MPP7: variants seen among roughly 807,000 people sequenced by gnomAD.
MPP7 encodes MAGUK p55 scaffold protein 7, also known as MAGUK p55 subfamily member 7.
A neutral mutation model predicts 76.5 loss-of-function variants in MPP7; 60 were observed. The observed-to-expected ratio is 0.78, with a 90% CI of 0.64 to 0.97. MPP7 has a LOEUF of 0.97. Among genes scored for constraint, MPP7 ranks in the 50% least tolerant of loss-of-function variants. MPP7 has a pLI of 0.00. For missense variants in MPP7, 641 were observed against 694.0 expected, an observed-to-expected ratio of 0.92 and a Z score of 0.86; for synonymous variants, 237 against 244.5, an observed-to-expected ratio of 0.97 and a Z score of 0.29.
chr10:28,124,466 ATTTTTT>A (rs5784042), intron 7 of MPP7, among the ~76,000 whole-genome samples: 27 of 80,080 alleles, frequency 3.4e-4, no homozygotes, highest in Non-Finnish European at 4.1e-4. Context: ...AAGAAACAAG[ATTTTTT>A]TTTTTTTTTT....
intron 1 of MPP7, among the ~76,000 whole-genome samples, chr10:28,265,544 A>G (rs1033122619): frequency 5.9e-5 from 9 of 152,212 alleles, no homozygotes; most frequent in African/African-American, 2.2e-4. Context: ...GGGCAACAGC[A>G]TAAGATCCTG....
chr10:28,212,907 G>A lies in MPP7; in HGVS notation c.38-10636C>T, dbSNP rs966656159. Reference sequence around the variant, plus strand: ...CACTAAAAAATGGGAAGACAGAGGAGAGAGCAAATACAGACAACTCTTAGA... The same window carrying A: ...CACTAAAAAATGGGAAGACAGAGGAAAGAGCAAATACAGACAACTCTTAGA... On this transcript the variant is annotated intron_variant, in intron 2 of 16. Coordinates refer to ENST00000683449, the MANE Select transcript of MPP7 (RefSeq NM_001318170.2). 2.0e-5 allele frequency among the ~76,000 whole-genome samples: 3 copies of A among 152,106 alleles called. No homozygotes were observed. In the East Asian group the frequency reaches 5.8e-4, roughly 29 times the overall value.
chr10:28,069,969 T>A, intron 12 of MPP7, 117 bp from the exon 13 acceptor site: 1 of 682,718 alleles, frequency 1.5e-6, no homozygotes, highest in Non-Finnish European at 2.6e-6. Flanking sequence ...GCATCCTAAG[T>A]AAAGAGATTA....
intron 3 of MPP7, among the ~76,000 whole-genome samples, chr10:28,167,148 TA>T (rs1351336734): frequency 6.6e-6 from 1 of 151,826 alleles, no homozygotes; most frequent in Non-Finnish European, 1.5e-5. Flanking sequence ...CCATCTCTAC[TA>T]AAAATACAAA....
intron 2 of MPP7, among the ~76,000 whole-genome samples, chr10:28,315,124 G>A (rs530798243): frequency 2.0e-5 from 3 of 151,740 alleles, no homozygotes; most frequent in South Asian, 4.2e-4. Flanking sequence ...CTCCAGCCTG[G>A]GTGACAGCCT....
At chr10:28,173,907 T>C (rs189219802) in intron 3 of MPP7, among the ~76,000 whole-genome samples, 16 of 152,296 alleles carry the variant, frequency 1.1e-4, no homozygotes, top group Admixed American at 7.8e-4. Context: ...TTCAATGCAA[T>C]AATCATCAAA....
At chr10:28,148,179 CT>C (rs2133765564) in intron 4 of MPP7, among the ~76,000 whole-genome samples, 1 of 152,272 alleles carries the variant, frequency 6.6e-6, no homozygotes, top group African/African-American at 2.4e-5. Context: ...GCTAGCTACC[CT>C]GGTACCAAAA....
Position 28,059,668 on chromosome 10 carries a change from G to A in MPP7, c.1280C>T (p.Thr427Ile). ...CACATACTTGTTATTTTGTACATCTGTCTCAAACAAATGCTTGGAAATGAA... is the reference window on the plus strand; with the variant it reads ...CACATACTTGTTATTTTGTACATCTATCTCAAACAAATGCTTGGAAATGAA... ...YIFISKHLFE[T>I]DVQNNKFIEY... Residue 427 changes from threonine (T) to isoleucine (I), a missense_variant, in exon 14 of 17, where the codon ACA (threonine) becomes ATA (isoleucine). Physicochemically the swap from Thr to Ile is moderately conservative, Grantham distance 89. Transcript: ENST00000683449. 6.2e-7 allele frequency: 1 copy of A among 1,612,630 alleles called. No homozygotes were observed. The highest frequency in any genetic ancestry group is 1.3e-5 in the African/African-American group (1 of 74,966).
intron 12 of MPP7, among the ~76,000 whole-genome samples, chr10:28,089,101 T>C (rs972822060): frequency 3.3e-5 from 5 of 152,056 alleles, no homozygotes; most frequent in African/African-American, 9.7e-5. Flanking sequence ...ACTGTAGAGA[T>C]GGGGCTTCAC....
intron 11 of MPP7, among the ~76,000 whole-genome samples, chr10:28,117,010 A>G (rs963973978): frequency 5.3e-5 from 8 of 152,112 alleles, no homozygotes; most frequent in African/African-American, 1.7e-4. Context: ...CAAAGACAGT[A>G]AGATTGGGAT....
At chr10:28,075,118 G>A (rs1380031168) in intron 12 of MPP7, among the ~76,000 whole-genome samples, 1 of 151,970 alleles carries the variant, frequency 6.6e-6, no homozygotes, top group Non-Finnish European at 1.5e-5. Flanking sequence ...GAAGAGGGGA[G>A]TGCCACACAC....
rs3064171 is a variant in MPP7 at position 28,321,948 on chromosome 10, C to CGTGTGTGT, written c.-132+7973_-132+7980dup. Among the ~76,000 whole-genome samples the CGTGTGTGT allele has an allele frequency of 2.8e-3, 397 of 143,456 alleles. 2 individuals carry two copies. Among genetic ancestry groups the CGTGTGTGT allele is most frequent in the African/African-American group, 5.6e-3 (215 of 38,732 alleles). The allele number at this position is 143,456 out of a possible 152,430, so 94.1% of individuals were successfully genotyped here. A position where few individuals can be genotyped will look rare whatever the true frequency, so the allele number is the denominator to read the frequency against. On this transcript the variant is annotated intron_variant, in intron 2 of 11. Coordinates refer to the MPP7 transcript ENST00000441595. ...GTAAGCTACAACTTGTTTTTGTAGA[C>CGTGTGTGT]GTGTGTGTGTGTGTGTGTGTGTGTG...
intron 3 of MPP7, among the ~76,000 whole-genome samples, chr10:28,179,384 T>C (rs1016021553): frequency 6.6e-6 from 1 of 152,190 alleles, no homozygotes; most frequent in African/African-American, 2.4e-5. Flanking sequence ...AAGAGTCATA[T>C]GGTTTAAGAC....
rs138360822 is a variant in MPP7 at position 28,165,762 on chromosome 10, C to A, written c.157-15703G>T. Among the ~76,000 whole-genome samples, 749 of 152,112 alleles carry A rather than the reference C, an allele frequency of 4.9e-3. 9 individuals are homozygous for A. The highest frequency in any genetic ancestry group is 0.018 in the African/African-American group (734 of 41,526). The stretch of plus-strand genomic sequence containing the variant: ...TGTCCTGGCCAGGCGTGGTGGCTCA[C>A]GCCTGAAATCCCAGCACTTTGGGAG... On this transcript the variant is annotated intron_variant, in intron 3 of 16. Transcript: ENST00000683449.
At chr10:28,125,200 C>G in intron 6 of MPP7, 109 bp from the exon 7 acceptor site, 1 of 902,268 alleles carries the variant, frequency 1.1e-6, no homozygotes, top group Non-Finnish European at 1.7e-6. Flanking sequence ...ACTACAAAAA[C>G]GAAAAAAAAG....
At chr10:28,203,387 CA>C (rs1330577984) in intron 2 of MPP7, among the ~76,000 whole-genome samples, 1 of 151,122 alleles carries the variant, frequency 6.6e-6, no homozygotes, top group Non-Finnish European at 1.5e-5. Context: ...AACTTACAAC[CA>C]AAGGCATTAG....
At chr10:28,199,039 T>C (rs558741078) in intron 3 of MPP7, among the ~76,000 whole-genome samples, 2 of 152,286 alleles carry the variant, frequency 1.3e-5, no homozygotes, top group South Asian at 2.1e-4. Flanking sequence ...ATCACACTCA[T>C]GGCAGAGGCG....
At chr10:28,211,857 A>G (rs7919947) in intron 2 of MPP7, among the ~76,000 whole-genome samples, 68,897 of 151,826 alleles carry the variant, frequency 0.45, 17,217 homozygotes, top group East Asian at 0.99. Context: ...ACAGGGCCTG[A>G]AAGGGCAAAC....
intron 2 of MPP7, among the ~76,000 whole-genome samples, chr10:28,316,349 C>T (rs1032682599): frequency 1.4e-5 from 2 of 143,386 alleles, no homozygotes; most frequent in Admixed American, 7.4e-5. Flanking sequence ...GCAGAAGAAT[C>T]GCTTGAACCC....
Sources: gnomAD v4.1 joint callset for allele counts (sites outside exome capture counted in the v4.1 genomes callset) on GRCh38, gnomAD v4.1.1 for gene constraint, MANE v1.5 for transcripts, NCBI Gene and HGNC (gene_info 2026-07-23, HGNC 2026-07-21) for gene names.